LRRC4C: variants seen among roughly 807,000 people sequenced by gnomAD.
The protein encoded by LRRC4C is leucine rich repeat containing 4C, also known as leucine-rich repeat-containing protein 4C.
LRRC4C carries 5 observed loss-of-function variants against 33.6 expected under a neutral mutation model. The ratio of observed to expected loss-of-function variants is 0.15; its 90% confidence interval spans 0.08 to 0.31. The LOEUF (loss-of-function observed/expected upper bound fraction) is 0.31. LRRC4C is among the 10% of genes least tolerant of loss of function. The pLI is 1.00. For synonymous variants in LRRC4C, 329 were observed against 302.0 expected (o/e 1.09, Z -0.93); for missense variants, 560 against 796.7 (o/e 0.70, Z 3.58).
chr11:41,016,216 A>G (rs894085877), intron 1 of LRRC4C, among the ~76,000 whole-genome samples: 9 of 152,238 alleles, frequency 5.9e-5, no homozygotes, highest in African/African-American at 2.2e-4. Context: ...TTCTAAAAAA[A>G]TAAGAAGAAA....
At chr11:41,024,237 T>A (rs1253958315) in intron 1 of LRRC4C, among the ~76,000 whole-genome samples, 1 of 151,594 alleles carries the variant, frequency 6.6e-6, no homozygotes, top group Admixed American at 6.6e-5. Context: ...GTATATGAAA[T>A]AAATATAATT....
chr11:40,542,026 T>C (rs1053835049), intron 3 of LRRC4C, among the ~76,000 whole-genome samples: 6 of 146,596 alleles, frequency 4.1e-5, no homozygotes, highest in African/African-American at 1.5e-4. Flanking sequence ...TTCCTTTCCT[T>C]TCTCTTTCTC....
intron 2 of LRRC4C, among the ~76,000 whole-genome samples, chr11:40,847,995 G>A (rs887733101): frequency 5.9e-5 from 9 of 151,778 alleles, no homozygotes; most frequent in African/African-American, 2.2e-4. Context: ...GGGATCAGTG[G>A]TGATATCCCT....
chr11:40,462,844 C>T lies in LRRC4C; in HGVS notation c.-269-143123G>A, dbSNP rs537154081. Among the ~76,000 whole-genome samples, 225 of 152,064 alleles carry T rather than the reference C, an allele frequency of 1.5e-3. 1 individual carries two copies. Among genetic ancestry groups the T allele is most frequent in the African/African-American group, 5.3e-3 (220 of 41,496 alleles). ...ATCCCATCATTTTCATCATCTAAACCTCCTTAGGTTTTATCCTAAAGAACC... is the reference window on the plus strand; with the variant it reads ...ATCCCATCATTTTCATCATCTAAACTTCCTTAGGTTTTATCCTAAAGAACC... On this transcript the variant is annotated intron_variant, in intron 3 of 6. Transcript: ENST00000528697.
At chr11:40,487,532 G>A (rs1239321137) in intron 3 of LRRC4C, among the ~76,000 whole-genome samples, 2 of 152,014 alleles carry the variant, frequency 1.3e-5, no homozygotes, top group African/African-American at 4.8e-5. Context: ...TAGAATCATA[G>A]GTATTGTGAA....
At chr11:40,545,793 T>C (rs2135413143) in intron 3 of LRRC4C, among the ~76,000 whole-genome samples, 1 of 151,974 alleles carries the variant, frequency 6.6e-6, no homozygotes, top group South Asian at 2.1e-4. Flanking sequence ...TCAACAAAAT[T>C]ATGTCAAAAA....
chr11:40,326,714 A>G (rs75073390), intron 3 of LRRC4C, among the ~76,000 whole-genome samples: 2,305 of 152,332 alleles, frequency 0.015, 56 homozygotes, highest in African/African-American at 0.052. Flanking sequence ...AGAGAGCTAG[A>G]CAGAAATCAA....
intron 3 of LRRC4C, among the ~76,000 whole-genome samples, chr11:40,495,498 G>A (rs903114691): frequency 9.9e-5 from 15 of 151,952 alleles, no homozygotes; most frequent in African/African-American, 3.6e-4. Flanking sequence ...AAAATCAGAG[G>A]GTTTAGAAAG....
rs575946547 is a variant in LRRC4C, at chr11:41,094,102, C to A, written c.-495-160379G>T. Among the ~76,000 whole-genome samples the A allele has an allele frequency of 3.4e-5, 5 of 148,928 alleles. 1 individual carries two copies. Among genetic ancestry groups the A allele is most frequent in the Middle Eastern group, 3.7e-3 (1 of 272 alleles). ...ACTGCACTCCAGCCTGGCGACAGAG[C>A]GAGACTCCGTATCGGGGGAAAAAAA... On this transcript the variant is annotated intron_variant, in intron 1 of 6. Coordinates refer to ENST00000528697, the MANE Select transcript of LRRC4C (RefSeq NM_001258419.2).
intron 2 of LRRC4C, among the ~76,000 whole-genome samples, chr11:40,772,800 C>G (rs1949813266): frequency 6.6e-6 from 1 of 151,986 alleles, no homozygotes; most frequent in Non-Finnish European, 1.5e-5. Context: ...GGAGTGTCCT[C>G]AAAAATCTAA....
chr11:40,543,660 G>C (rs374607633), intron 3 of LRRC4C, among the ~76,000 whole-genome samples: 2 of 152,018 alleles, frequency 1.3e-5, no homozygotes, highest in Admixed American at 6.6e-5. Flanking sequence ...AGTTTCTTAC[G>C]GGAGTCCATG....
chr11:40,504,746 T>A (rs1419290210), intron 3 of LRRC4C, among the ~76,000 whole-genome samples: 1 of 152,178 alleles, frequency 6.6e-6, no homozygotes, highest in African/African-American at 2.4e-5. Context: ...GTCTAGAATG[T>A]ATTGCTATCG....
intron 3 of LRRC4C, among the ~76,000 whole-genome samples, chr11:40,351,882 CATCCCTTT>C (rs987424813): frequency 6.6e-6 from 1 of 151,838 alleles, no homozygotes; most frequent in Non-Finnish European, 1.5e-5. Flanking sequence ...TATCTTTTTT[CATCCCTTT>C]ATTTTCAGCC....
At chr11:40,948,357 TTCATC>T (rs1394877869) in intron 1 of LRRC4C, among the ~76,000 whole-genome samples, 3 of 152,030 alleles carry the variant, frequency 2.0e-5, no homozygotes, top group Non-Finnish European at 4.4e-5. Flanking sequence ...TCTTTATTCA[TTCATC>T]TCTTTTTCTT....
At chr11:40,609,142 A>G (rs1368909472) in intron 3 of LRRC4C, among the ~76,000 whole-genome samples, 1 of 152,100 alleles carries the variant, frequency 6.6e-6, no homozygotes, top group Non-Finnish European at 1.5e-5. Flanking sequence ...CACATAGAAT[A>G]TTCTTCAGGA....
At chr11:41,184,631 C>A (rs930004741) in intron 1 of LRRC4C, among the ~76,000 whole-genome samples, 1 of 152,046 alleles carries the variant, frequency 6.6e-6, no homozygotes, top group Non-Finnish European at 1.5e-5. Flanking sequence ...CATACTTTCC[C>A]ACATTTTCCT....
In LRRC4C at chr11:40,338,914, G is replaced by A. The variant is rs183738481; in HGVS notation, c.-269-19193C>T. 1.1e-3 allele frequency among the ~76,000 whole-genome samples: 164 copies of A among 152,292 alleles called. 1 individual carries two copies. Among genetic ancestry groups the A allele is most frequent in the Non-Finnish European group, 1.7e-3 (116 of 68,022 alleles). On this transcript the variant is annotated intron_variant, in intron 3 of 6. Transcript: ENST00000528697. ...ACAATATAGCAGAGATGACTCATCC[G>A]ATCACTTAGAAGCCTCCAGAAAGCC...
chr11:40,206,951 C>CACAAACAAACAAACAA (rs369614534), intron 5 of LRRC4C, among the ~76,000 whole-genome samples: 3 of 151,846 alleles, frequency 2.0e-5, no homozygotes, highest in Non-Finnish European at 4.4e-5. Flanking sequence ...TATGCACACT[C>CACAAACAAACAAACAA]ACAAACAAAC....
intron 1 of LRRC4C, among the ~76,000 whole-genome samples, chr11:41,245,958 T>TC (rs1216250678): frequency 6.6e-6 from 1 of 151,974 alleles, no homozygotes; most frequent in East Asian, 1.9e-4. Context: ...TGCTGATTGG[T>TC]CCCTGGGTGG....
Sources: allele counts gnomAD v4.1 joint callset (sites outside exome capture counted in the v4.1 genomes callset), GRCh38; gene constraint gnomAD v4.1.1; transcripts MANE v1.5; gene names NCBI Gene and HGNC (gene_info 2026-07-23, HGNC 2026-07-21).